Variants in TMEM108 observed in about 807,000 individuals in gnomAD.
TMEM108 encodes the protein cancer/testis antigen 124.
TMEM108 carries 12 observed loss-of-function variants against 35.1 expected under a neutral mutation model. The observed-to-expected ratio is 0.34, with a 90% CI of 0.22 to 0.55. The LOEUF is 0.55. Among genes scored for constraint, TMEM108 ranks in the 20% least tolerant of loss-of-function variants. TMEM108 has a pLI of 0.89. For synonymous variants in TMEM108, 287 were observed against 308.6 expected (o/e 0.93, Z 0.73); for missense variants, 680 against 753.3 (o/e 0.90, Z 1.14).
chr3:133,388,919 G>C (rs565123276), intron 4 of TMEM108: 35 of 985,524 alleles, frequency 3.6e-5, no homozygotes, highest in Non-Finnish European at 4.1e-5. Context: ...GCCAACCCCC[G>C]GTGCTGGCCT....
At chr3:133,345,458 T>C (rs1010437660) in intron 3 of TMEM108, among the ~76,000 whole-genome samples, 92 of 151,964 alleles carry the variant, frequency 6.1e-4, no homozygotes, top group African/African-American at 2.2e-3. Flanking sequence ...TGTGTAGTCA[T>C]TATCATTAAA....
intron 3 of TMEM108, among the ~76,000 whole-genome samples, chr3:133,375,350 C>T (rs1237389587): frequency 6.6e-6 from 1 of 152,162 alleles, no homozygotes; most frequent in African/African-American, 2.4e-5. Flanking sequence ...TAGATTCCAC[C>T]CCACAACAAT....
At chr3:133,091,099 A>C (rs927515677) in intron 2 of TMEM108, among the ~76,000 whole-genome samples, 5 of 152,210 alleles carry the variant, frequency 3.3e-5, no homozygotes, top group Non-Finnish European at 7.4e-5. Flanking sequence ...GTAGAAGTAC[A>C]TGAGAGTATC....
intron 2 of TMEM108, among the ~76,000 whole-genome samples, chr3:133,180,998 G>A (rs1480791179): frequency 2.4e-5 from 2 of 83,588 alleles, no homozygotes; most frequent in African/African-American, 8.3e-5. Flanking sequence ...TGGCTATTGG[G>A]CAGTTGTGTT....
chr3:133,353,612 G>T (rs2072072333), intron 3 of TMEM108, among the ~76,000 whole-genome samples: 1 of 152,130 alleles, frequency 6.6e-6, no homozygotes, highest in African/African-American at 2.4e-5. Context: ...GTGGGTGTAT[G>T]GTCTGTCTCA....
intron 3 of TMEM108, among the ~76,000 whole-genome samples, chr3:133,325,666 G>A (rs942605503): frequency 1.3e-5 from 2 of 150,694 alleles, no homozygotes; most frequent in Non-Finnish European, 3.0e-5. Context: ...AGGTTGCAGT[G>A]AACCTGGGCA....
intron 2 of TMEM108, among the ~76,000 whole-genome samples, chr3:133,138,429 G>A (rs545539960): frequency 2.6e-5 from 4 of 152,280 alleles, no homozygotes; most frequent in African/African-American, 4.8e-5. Flanking sequence ...TGCATGCGGC[G>A]GCCCAGGACA....
intron 2 of TMEM108, among the ~76,000 whole-genome samples, chr3:133,086,882 C>T (rs1238411920): frequency 6.6e-6 from 1 of 152,206 alleles, no homozygotes; most frequent in African/African-American, 2.4e-5. Flanking sequence ...CCATGTCTCA[C>T]TTCCATGGTT....
At position 133,285,874 on chromosome 3, in the gene TMEM108, G is replaced by A. The variant is rs530968489; in HGVS notation, c.40+56523G>A. On this transcript the variant is annotated intron_variant, in intron 3 of 5. Transcript: ENST00000321871. ...TATGTTTATCTTGTTTTGCAGTCCA[G>A]TCATATCTTTTTAGTTTTCTATTTT... Among the ~76,000 whole-genome samples, 3 of 152,246 alleles carry A rather than the reference G, an allele frequency of 2.0e-5. No homozygotes were observed. In the South Asian group the frequency reaches 6.2e-4, roughly 32 times the overall value.
At chr3:133,142,812 A>G (rs1401432954) in intron 2 of TMEM108, among the ~76,000 whole-genome samples, 2 of 152,188 alleles carry the variant, frequency 1.3e-5, no homozygotes, top group African/African-American at 4.8e-5. Context: ...CTATGTTCCA[A>G]ACAGTGTTCT....
Position 133,294,651 on chromosome 3 carries a change from A to G in TMEM108, c.40+65300A>G, listed in dbSNP as rs535824787. ...TTATTGGTTTGCTTAATTATTTTTT[A>G]AACTTCTGTAACTACTGATGGAAAC... On this transcript the variant is annotated intron_variant, in intron 3 of 5. Transcript: ENST00000321871. Among the ~76,000 whole-genome samples the G allele has an allele frequency of 3.9e-5, 6 of 152,326 alleles. No individual in the cohort carries two copies. In the South Asian group the frequency reaches 1.2e-3, roughly 32 times the overall value.
In TMEM108 at chr3:133,333,272, A is replaced by T. The variant is rs1171159276; in HGVS notation, c.41-46480A>T. Among the ~76,000 whole-genome samples the T allele has an allele frequency of 5.3e-5, 8 of 152,238 alleles. No homozygotes were observed. In the East Asian group the frequency reaches 1.5e-3, roughly 29 times the overall value. On this transcript the variant is annotated intron_variant, in intron 3 of 5. Transcript: ENST00000321871. ...TCCAGTCCCCCATACCTGTTTTCTGAAATTACTCTCCAAAATAAACTCTCT... is the reference window on the plus strand; with the variant it reads ...TCCAGTCCCCCATACCTGTTTTCTGTAATTACTCTCCAAAATAAACTCTCT...
At chr3:133,322,025 A>G (rs939254076) in intron 3 of TMEM108, among the ~76,000 whole-genome samples, 27 of 152,332 alleles carry the variant, frequency 1.8e-4, no homozygotes, top group Middle Eastern at 3.4e-3. Flanking sequence ...GTCACAGGAA[A>G]AGTGGTGCTA....
At chr3:133,137,876 C>T (rs2107752048) in intron 2 of TMEM108, among the ~76,000 whole-genome samples, 1 of 152,244 alleles carries the variant, frequency 6.6e-6, no homozygotes, top group South Asian at 2.1e-4. Flanking sequence ...TTCTACAAAG[C>T]TTAGGGGAAA....
chr3:133,310,693 C>G lies in TMEM108; in HGVS notation c.41-69059C>G, dbSNP rs1314618704. Among the ~76,000 whole-genome samples the G allele has an allele frequency of 5.9e-5, 9 of 151,858 alleles. No individual in the cohort carries two copies. The East Asian group carries it at 1.7e-3, about 29-fold the overall frequency. ...CTCCGTCCAATTTGCCAGTCTGTGT[C>G]TTTTAATTGGGGCATTTAGTCCATT... On this transcript the variant is annotated intron_variant, in intron 3 of 5. Transcript: ENST00000321871.
intron 2 of TMEM108, among the ~76,000 whole-genome samples, chr3:133,157,591 T>A (rs1944899842): frequency 6.6e-6 from 1 of 152,176 alleles, no homozygotes; most frequent in Non-Finnish European, 1.5e-5. Context: ...TTTTAGAACA[T>A]GTGGCCATAA....
chr3:133,162,834 G>T (rs183890875), intron 2 of TMEM108, among the ~76,000 whole-genome samples: 6 of 152,352 alleles, frequency 3.9e-5, no homozygotes, highest in Admixed American at 3.3e-4. Context: ...TTTGTATGCA[G>T]TAAAATGATT....
At position 133,189,321 on chromosome 3, in the gene TMEM108, A is replaced by C. The variant is rs1945466213; in HGVS notation, c.-46-39945A>C. Reference sequence around the variant, plus strand: ...ACATAGAGAGGAGGACTTTCCTGCTATGAAGGGTAAACATGTATAAACATG... The same window carrying C: ...ACATAGAGAGGAGGACTTTCCTGCTCTGAAGGGTAAACATGTATAAACATG... On this transcript the variant is annotated intron_variant, in intron 2 of 5. Coordinates refer to ENST00000321871, the MANE Select transcript of TMEM108 (RefSeq NM_023943.4). Among the ~76,000 whole-genome samples the C allele has an allele frequency of 2.6e-5, 4 of 152,202 alleles. No homozygotes were observed. The South Asian group carries it at 8.3e-4, about 32-fold the overall frequency.
At chr3:133,192,513 A>G (rs564164608) in intron 2 of TMEM108, among the ~76,000 whole-genome samples, 5 of 152,120 alleles carry the variant, frequency 3.3e-5, no homozygotes, top group Non-Finnish European at 7.4e-5. Context: ...GAGGAGTCAG[A>G]GGAGGAGACA....
Sources: gnomAD v4.1 joint callset for allele counts (sites outside exome capture counted in the v4.1 genomes callset) on GRCh38, gnomAD v4.1.1 for gene constraint, MANE v1.5 for transcripts, NCBI Gene and HGNC (gene_info 2026-07-23, HGNC 2026-07-21) for gene names.